The following C2CD3 variants were observed in gnomAD, a reference collection of about 807,000 sequenced individuals.
C2CD3 encodes C2 domain-containing protein 3.
C2CD3 carries 148 observed loss-of-function variants against 234.0 expected under a neutral mutation model. The ratio of observed to expected loss-of-function variants is 0.63; its 90% CI spans 0.55 to 0.72. C2CD3 has a LOEUF of 0.72. C2CD3 is among the 30% of genes least tolerant of loss of function. The pLI is 0.00. For synonymous variants in C2CD3, 1,000 were observed against 1,035.4 expected (o/e 0.97, Z 0.66); for missense variants, 2,577 against 2,811.5 (o/e 0.92, Z 1.89).
chr11:74,106,542 A>G (rs1442885490), intron 12 of C2CD3, 49 bp from the exon 13 acceptor site: 2 of 1,571,398 alleles, frequency 1.3e-6, no homozygotes, highest in African/African-American at 1.4e-5. Context: ...GAGAAGCCAC[A>G]GGTGATCTTA....
At chr11:74,139,575 A>T (rs764077995) in intron 4 of C2CD3, 30 bp downstream of exon 4, 3 of 1,415,238 alleles carry the variant, frequency 2.1e-6, no homozygotes, top group Non-Finnish European at 3.0e-6. Flanking sequence ...GTTAACTGAC[A>T]GATTGACTGG....
chr11:74,068,934 T>C (rs546093244), intron 24 of C2CD3, among the ~76,000 whole-genome samples: 52 of 152,236 alleles, frequency 3.4e-4, no homozygotes, highest in African/African-American at 1.2e-3. Flanking sequence ...GCCTCCTGAG[T>C]AGCTGGAATT....
Position 74,114,506 on chromosome 11 carries a change from AC to A in C2CD3, c.1607del (p.Gly536ValfsTer22). On this transcript the variant is annotated frameshift_variant, in exon 10 of 33. Transcript: ENST00000334126. LOFTEE classifies it high-confidence loss of function. ...TGATGATTCTGACTGAATGTGTTCT[AC>A]CCAAAAGGGCCAGTCTATCCACACT... is the stretch of plus-strand genomic sequence containing the variant. Reference protein sequence around the residue: ...TLSVDRLALLGRTHSVRIIIE... With the variant: ...TLSVDRLALLXRTHSVRIIIE... 6.2e-7 allele frequency: 1 copy of A among 1,613,602 alleles called. No individual in the cohort carries two copies.
At chr11:74,026,809 A>C (rs1414505550) in intron 32 of C2CD3, among the ~76,000 whole-genome samples, 1 of 151,982 alleles carries the variant, frequency 6.6e-6, no homozygotes, top group Non-Finnish European at 1.5e-5. Flanking sequence ...CTCTACTAAA[A>C]ATACAAAAAG....
At position 74,031,035 on chromosome 11, in the gene C2CD3, CCTT is replaced by C. The variant is rs146225420; in HGVS notation, c.6809+2313_6809+2315del. Reference sequence around the variant, plus strand: ...TTATTGCAAGTGTCCTAACTAGCCTCCTTGTTTCTAGTCTTCCCTTACTTAACC... The same window carrying C: ...TTATTGCAAGTGTCCTAACTAGCCTCGTTTCTAGTCTTCCCTTACTTAACC... On this transcript the variant is annotated intron_variant, in intron 31 of 32. Transcript: ENST00000334126. Among the ~76,000 whole-genome samples the C allele has an allele frequency of 1.4e-3, 208 of 152,334 alleles. 3 individuals are homozygous for C. Among genetic ancestry groups the C allele is most frequent in the African/African-American group, 4.2e-3 (176 of 41,568 alleles).
intron 5 of C2CD3, among the ~76,000 whole-genome samples, chr11:74,136,444 A>C (rs1957863282): frequency 6.6e-6 from 1 of 152,240 alleles, no homozygotes; most frequent in Non-Finnish European, 1.5e-5. Context: ...AAACAGGCCT[A>C]GGTAAACAAT....
intron 11 of C2CD3, chr11:74,110,611 C>G (rs1471907488): frequency 6.6e-6 from 1 of 152,222 alleles, no homozygotes; most frequent in African/African-American, 2.4e-5. Context: ...ACTTTGAACA[C>G]TGTAAAATTC....
At chr11:74,026,119 T>C (rs1241580746) in intron 32 of C2CD3, among the ~76,000 whole-genome samples, 1 of 152,166 alleles carries the variant, frequency 6.6e-6, no homozygotes, top group African/African-American at 2.4e-5. Context: ...AGATGTAGCC[T>C]GGGCAACACA....
At chr11:74,022,897 T>C (rs181285215) in intron 32 of C2CD3, among the ~76,000 whole-genome samples, 16 of 152,354 alleles carry the variant, frequency 1.1e-4, no homozygotes, top group South Asian at 2.1e-4. Flanking sequence ...CAGCCAGAAG[T>C]TGAAGTAGCA....
intron 28 of C2CD3, among the ~76,000 whole-genome samples, chr11:74,045,249 A>G (rs1448205089): frequency 6.6e-6 from 1 of 152,110 alleles, no homozygotes; most frequent in Non-Finnish European, 1.5e-5. Context: ...TTATTTTGAG[A>G]TTATCAATTC....
At chr11:74,115,466 A>G (rs1278845256) in intron 9 of C2CD3, among the ~76,000 whole-genome samples, 1 of 152,206 alleles carries the variant, frequency 6.6e-6, no homozygotes, top group African/African-American at 2.4e-5. Flanking sequence ...GTACACATAC[A>G]ACCTAGAATT....
At chr11:74,032,349 T>G (rs182512958) in intron 31 of C2CD3, among the ~76,000 whole-genome samples, 6 of 152,298 alleles carry the variant, frequency 3.9e-5, no homozygotes, top group Non-Finnish European at 7.4e-5. Context: ...TATTCCCTGC[T>G]TGTTGGGATA....
In C2CD3 at chr11:74,078,561, C is replaced by T; in HGVS notation, c.4157G>A (p.Gly1386Asp). 6.2e-7 allele frequency: 1 copy of T among 1,614,112 alleles called. No individual in the cohort carries two copies. The highest frequency in any genetic ancestry group is 1.1e-5 in the South Asian group (1 of 91,066). The part of the protein sequence containing the change: ...ERVLEAAEHL[G>D]WSFENSLKDF... ...TTTCAGGCTGTTCTCAAAGCTCCAGCCCAAATGCTCAGCAGCTTCCAACAC... is the reference window on the plus strand; with the variant it reads ...TTTCAGGCTGTTCTCAAAGCTCCAGTCCAAATGCTCAGCAGCTTCCAACAC... The change falls in exon 23 of 33, where the codon GGC (glycine) becomes GAC (aspartate). Residue 1386 changes from glycine to aspartate, a missense_variant. Physicochemically the swap from Gly to Asp is moderately conservative, Grantham distance 94. Transcript: ENST00000334126.
In C2CD3 at chr11:74,167,467, T is replaced by C. The variant is rs77693946; in HGVS notation, c.325+877A>G. On this transcript the variant is annotated intron_variant, in intron 2 of 32. Transcript: ENST00000334126. ...ACCCCATGGTGCCTAAAACAATGTG[T>C]AGTATGTGCTAAACATATTTTTTGA... Among the ~76,000 whole-genome samples the C allele has an allele frequency of 5.9e-5, 9 of 152,196 alleles. No homozygotes were observed. The South Asian group carries it at 1.9e-3, about 31-fold the overall frequency.
At chr11:74,169,905 T>C (rs1857050224) in intron 1 of C2CD3, among the ~76,000 whole-genome samples, 1 of 152,198 alleles carries the variant, frequency 6.6e-6, no homozygotes, top group South Asian at 2.1e-4. Context: ...GTCCTATCAC[T>C]GTTCCCAATA....
At position 74,123,074 on chromosome 11, in the gene C2CD3, G is replaced by A. The variant is rs1957272887; in HGVS notation, c.1279C>T (p.Pro427Ser). ...CTGATGCAATACACATCACTCCCAG[G>A]AGATGGGGAATCTGGAGGAGAGCCT... Reference protein sequence around the residue: ...GLGSPPDSPSPGSDVYCISEL... With the variant: ...GLGSPPDSPSSGSDVYCISEL... The change falls in exon 8 of 33, where the codon CCT (proline) becomes TCT (serine). Residue 427 changes from proline to serine, a missense_variant. Transcript: ENST00000334126. 1 of 1,612,588 alleles carries A rather than the reference G, an allele frequency of 6.2e-7. No individual in the cohort carries two copies.
chr11:74,105,663 A>G (rs769199265), intron 13 of C2CD3, among the ~76,000 whole-genome samples: 5 of 152,218 alleles, frequency 3.3e-5, no homozygotes, highest in African/African-American at 7.2e-5. Context: ...ATACAAGGAA[A>G]TAACCCTCTC....
rs1276356973 is a variant in C2CD3, at chr11:74,064,845, C to T, written c.4952-7301G>A. Among the ~76,000 whole-genome samples the T allele has an allele frequency of 3.3e-5, 5 of 152,148 alleles. No individual in the cohort carries two copies. The East Asian group carries it at 9.6e-4, about 29-fold the overall frequency. On this transcript the variant is annotated intron_variant, in intron 24 of 32. Coordinates refer to ENST00000334126, the MANE Select transcript of C2CD3 (RefSeq NM_001286577.2). ...AGAATTCCCTATTTAATAAATGGTGCTGGGAAAACTGGCTAGCCATATGTA... is the reference window on the plus strand; with the variant it reads ...AGAATTCCCTATTTAATAAATGGTGTTGGGAAAACTGGCTAGCCATATGTA...
intron 13 of C2CD3, among the ~76,000 whole-genome samples, chr11:74,104,562 GCAGA>G (rs1343392791): frequency 6.6e-6 from 1 of 152,018 alleles, no homozygotes; most frequent in African/African-American, 2.4e-5. Flanking sequence ...CAGAGAAGAG[GCAGA>G]CAGACAATTA....
Sources: allele counts gnomAD v4.1 joint callset (sites outside exome capture counted in the v4.1 genomes callset), GRCh38; gene constraint gnomAD v4.1.1; transcripts MANE v1.5; gene names NCBI Gene and HGNC (gene_info 2026-07-23, HGNC 2026-07-21).